Variants in GRIN2B observed in about 807,000 individuals in gnomAD.
The protein encoded by GRIN2B is glutamate ionotropic receptor NMDA type subunit 2B.
A neutral mutation model predicts 114.5 loss-of-function variants in GRIN2B; 5 were observed. That is an observed-to-expected ratio of 0.04 (90% CI 0.02 to 0.09). The LOEUF is 0.09. Ranked by LOEUF, GRIN2B falls within the 10% of genes least tolerant of loss-of-function variation. GRIN2B has a pLI of 1.00. For synonymous variants in GRIN2B, 787 were observed against 745.1 expected (o/e 1.06, Z -0.92); for missense variants, 1,108 against 1,943.5 (o/e 0.57, Z 8.08).
chr12:13,917,032 A>G (rs1457807736), intron 2 of GRIN2B, among the ~76,000 whole-genome samples: 2 of 152,100 alleles, frequency 1.3e-5, no homozygotes, highest in Non-Finnish European at 2.9e-5. Flanking sequence ...GGAAGAAAGG[A>G]AAGCACAAAG....
intron 2 of GRIN2B, among the ~76,000 whole-genome samples, chr12:13,892,159 T>G (rs965070663): frequency 7.2e-5 from 11 of 152,100 alleles, no homozygotes; most frequent in Admixed American, 7.2e-4. Context: ...TGAAGTGAAA[T>G]GAATTGAAAT....
At chr12:13,883,064 C>T (rs967173790) in intron 2 of GRIN2B, among the ~76,000 whole-genome samples, 24 of 152,130 alleles carry the variant, frequency 1.6e-4, no homozygotes, top group African/African-American at 5.5e-4. Context: ...GGAAATTCCT[C>T]AATATTGTTG....
At chr12:13,683,121 G>A (rs1024116434) in intron 4 of GRIN2B, among the ~76,000 whole-genome samples, 1 of 152,058 alleles carries the variant, frequency 6.6e-6, no homozygotes, top group Non-Finnish European at 1.5e-5. Flanking sequence ...ATGCTCTCTA[G>A]ACTTACCTAC....
Position 13,563,762 on chromosome 12 carries a change from C to G in GRIN2B, c.3476G>C (p.Ser1159Thr). 1.2e-6 allele frequency: 2 copies of G among 1,614,076 alleles called. No individual in the cohort carries two copies. The highest frequency in any genetic ancestry group is 1.7e-6 in the Non-Finnish European group (2 of 1,180,038). Residue 1159 changes from serine (S) to threonine (T), a missense_variant, in exon 14 of 14, where the codon AGT becomes ACT. By Grantham distance (58) the Ser-to-Thr change is moderately conservative. Transcript: ENST00000609686. Reference protein sequence around the residue: ...VDLTDIYKERSDDFKRDSVSG... With the variant: ...VDLTDIYKERTDDFKRDSVSG... ...GACGGAGTCGCGCTTAAAGTCATCA[C>G]TCCGCTCCTTGTAGATGTCGGTCAG...
chr12:13,638,895 G>T (rs1021044868), intron 5 of GRIN2B, among the ~76,000 whole-genome samples: 1 of 151,884 alleles, frequency 6.6e-6, no homozygotes, highest in African/African-American at 2.4e-5. Flanking sequence ...CCTTACTCCT[G>T]GTTCCCTAAT....
intron 2 of GRIN2B, among the ~76,000 whole-genome samples, chr12:13,976,938 A>T (rs1863031054): frequency 6.6e-6 from 1 of 152,104 alleles, no homozygotes; most frequent in African/African-American, 2.4e-5. Context: ...CCCACCTCCC[A>T]GGTGCCCCCT....
intron 3 of GRIN2B, among the ~76,000 whole-genome samples, chr12:13,767,187 G>C (rs923664560): frequency 6.6e-6 from 1 of 151,386 alleles, no homozygotes; most frequent in Non-Finnish European, 1.5e-5. Context: ...GTGAGGCCGG[G>C]AGGCGGAGCT....
In GRIN2B at chr12:13,538,730, A is replaced by G. The variant is rs1466199617; in HGVS notation, c.*24053T>C. ...CACAGGAGGCGGAGGTGGTAGAATC[A>G]CTTGAGCCTGGGAGGTCAAGGCTGC... On this transcript the variant is annotated 3_prime_UTR_variant, in exon 14 of 14. Transcript: ENST00000609686. 6.6e-6 allele frequency: 1 copy of G among 152,008 alleles called. No individual in the cohort carries two copies. The highest frequency in any genetic ancestry group is 1.5e-5 in the Non-Finnish European group (1 of 68,028). The allele number at this position is 152,008 out of a possible 1,614,324, so 9.4% of individuals were successfully genotyped here.
At chr12:13,701,191 C>T (rs1413791661) in intron 4 of GRIN2B, among the ~76,000 whole-genome samples, 1 of 152,130 alleles carries the variant, frequency 6.6e-6, no homozygotes, top group Non-Finnish European at 1.5e-5. Context: ...TCAGTTACCT[C>T]CACCTGGCCT....
At chr12:13,602,823 C>T (rs1278153400) in intron 10 of GRIN2B, among the ~76,000 whole-genome samples, 1 of 152,180 alleles carries the variant, frequency 6.6e-6, no homozygotes, top group Non-Finnish European at 1.5e-5. Context: ...CAGATGAGCA[C>T]ATTTTTGACA....
intron 4 of GRIN2B, among the ~76,000 whole-genome samples, chr12:13,722,137 A>G (rs531266430): frequency 1.3e-5 from 2 of 152,250 alleles, no homozygotes; most frequent in East Asian, 3.9e-4. Context: ...TGGGTTAAGG[A>G]GGGTGAAAGA....
At chr12:13,728,579 A>G (rs1863032021) in intron 4 of GRIN2B, among the ~76,000 whole-genome samples, 1 of 152,152 alleles carries the variant, frequency 6.6e-6, no homozygotes. Flanking sequence ...AAAAAGGCCA[A>G]AGAGGGGAGA....
intron 2 of GRIN2B, among the ~76,000 whole-genome samples, chr12:13,880,417 C>T (rs1209402255): frequency 6.6e-6 from 1 of 152,176 alleles, no homozygotes. Context: ...GGACTTAACG[C>T]TAGAGATGCA....
At chr12:13,686,804 C>A (rs1950177220) in intron 4 of GRIN2B, among the ~76,000 whole-genome samples, 1 of 152,132 alleles carries the variant, frequency 6.6e-6, no homozygotes, top group Admixed American at 6.6e-5. Context: ...GGCTGTCTGT[C>A]CATCCAAGCA....
At chr12:13,866,602 C>T (rs1174785925) in intron 2 of GRIN2B, among the ~76,000 whole-genome samples, 1 of 152,138 alleles carries the variant, frequency 6.6e-6, no homozygotes, top group East Asian at 1.9e-4. Context: ...TGAAGGAAAG[C>T]AAGGCCAGAC....
chr12:13,947,476 C>T (rs1046066183), intron 2 of GRIN2B, among the ~76,000 whole-genome samples: 1 of 152,132 alleles, frequency 6.6e-6, no homozygotes, highest in Non-Finnish European at 1.5e-5. Flanking sequence ...CAGACAGTCA[C>T]GCTTCACCTC....
rs536908174 is a variant in GRIN2B, at chr12:13,909,880, AG to A, written c.-18-43655del. 4.1e-3 allele frequency among the ~76,000 whole-genome samples: 624 copies of A among 152,320 alleles called. 4 individuals carry two copies. Among genetic ancestry groups the A allele is most frequent in the African/African-American group, 0.014 (597 of 41,574 alleles). ...AGAAAATATTAAGCATCATTGTAAA[AG>A]TTCTTGTTTCTAAAGACAGGTCATC... On this transcript the variant is annotated intron_variant, in intron 2 of 13. Transcript: ENST00000609686.
chr12:13,902,212 A>G (rs1866463916), intron 2 of GRIN2B, among the ~76,000 whole-genome samples: 1 of 152,084 alleles, frequency 6.6e-6, no homozygotes, highest in Admixed American at 6.5e-5. Context: ...TTTCTCTTTA[A>G]GTGTCTTAGC....
At chr12:13,782,435 T>C (rs1864134220) in intron 3 of GRIN2B, among the ~76,000 whole-genome samples, 1 of 152,208 alleles carries the variant, frequency 6.6e-6, no homozygotes, top group Non-Finnish European at 1.5e-5. Context: ...ATCCAGATGA[T>C]CTTTGCCACT....
Sources: allele counts gnomAD v4.1 joint callset (sites outside exome capture counted in the v4.1 genomes callset), GRCh38; gene constraint gnomAD v4.1.1; transcripts MANE v1.5; gene names NCBI Gene and HGNC (gene_info 2026-07-23, HGNC 2026-07-21).